The following PRIM2 variants were observed in gnomAD, a reference collection of about 807,000 sequenced individuals.
PRIM2 encodes the protein DNA primase subunit 2.
PRIM2 carries 39 observed loss-of-function variants against 67.3 expected under a neutral mutation model. The ratio of observed to expected loss-of-function variants is 0.58; its 90% CI spans 0.45 to 0.76. The LOEUF is 0.76. PRIM2 is among the 30% of genes least tolerant of loss of function. The pLI, the probability that PRIM2 is intolerant of heterozygous loss-of-function variation, is 0.00. For synonymous variants in PRIM2, 143 were observed against 198.7 expected, an observed-to-expected ratio of 0.72 and a Z score of 2.36; for missense variants, 398 against 598.7, an observed-to-expected ratio of 0.66 and a Z score of 3.50.
rs1284235020 is a variant in PRIM2, at chr6:57,470,891, C to T, written c.694-36496C>T. On this transcript the variant is annotated intron_variant, in intron 7 of 13. Coordinates refer to ENST00000615550, the MANE Select transcript of PRIM2 (RefSeq NM_000947.5). ...CCCTGCCAACTACCCTCTCTACGTA[C>T]GTATACACTTCAGAGGTTAAATAAG... Among the ~76,000 whole-genome samples, 67 of 152,218 alleles carry T rather than the reference C, an allele frequency of 4.4e-4. 1 individual carries two copies. The South Asian group carries it at 0.013, about 29-fold the overall frequency.
the PRIM2 span, among the ~76,000 whole-genome samples, chr6:57,294,782 T>C: frequency 2.0e-5 from 3 of 151,904 alleles, no homozygotes; most frequent in Admixed American, 1.3e-4. Context: ...TTTTAAGTGA[T>C]ATAATATTGC....
intron 7 of PRIM2, among the ~76,000 whole-genome samples, chr6:57,416,118 A>C (rs1162093960): frequency 1.3e-5 from 2 of 152,220 alleles, no homozygotes; most frequent in Non-Finnish European, 2.9e-5. Flanking sequence ...CGCTATCTAT[A>C]GTAGCTCTAG....
At chr6:57,645,323 A>T (rs1404618098) in intron 13 of PRIM2, among the ~76,000 whole-genome samples, 264 of 15,798 alleles carry the variant, frequency 0.017, 1 homozygote, top group African/African-American at 0.11. Flanking sequence ...AATGTCATTC[A>T]CACACACACA....
At position 57,629,237 on chromosome 6, in the gene PRIM2, C is replaced by G. The variant is rs1314500073; in HGVS notation, c.1231-2896C>G. 1.4e-3 allele frequency among the ~76,000 whole-genome samples: 210 copies of G among 152,306 alleles called. 4 individuals are homozygous for G. In the East Asian group the frequency reaches 0.019, roughly 14 times the overall value. Reference sequence around the variant, plus strand: ...CATCAGAATCACTTGGGAAGATTTTCATGTCAGCAAAGTGTGCATCTAAGA... The same window carrying G: ...CATCAGAATCACTTGGGAAGATTTTGATGTCAGCAAAGTGTGCATCTAAGA... On this transcript the variant is annotated intron_variant, in intron 12 of 13. Coordinates refer to ENST00000615550, the MANE Select transcript of PRIM2 (RefSeq NM_000947.5).
At chr6:57,604,042 C>T (rs1323710168) in intron 11 of PRIM2, among the ~76,000 whole-genome samples, 16 of 152,240 alleles carry the variant, frequency 1.1e-4, no homozygotes, top group African/African-American at 1.4e-4. Flanking sequence ...TGTGGTGGAT[C>T]ATGCCTGTAA....
At chr6:57,519,483 A>G (rs1774565823) in intron 8 of PRIM2, among the ~76,000 whole-genome samples, 1 of 152,216 alleles carries the variant, frequency 6.6e-6, no homozygotes, top group Admixed American at 6.5e-5. Context: ...GAATTCAGCG[A>G]CATTTCTTCC....
rs1309671828 is a variant in PRIM2, at chr6:57,617,568, G to A, written c.1230+11111G>A. 2.0e-5 allele frequency among the ~76,000 whole-genome samples: 3 copies of A among 152,232 alleles called. No homozygotes were observed. The East Asian group carries it at 5.8e-4, about 29-fold the overall frequency. The stretch of plus-strand genomic sequence containing the variant: ...ATTTGTACATCTTCTTTGAAGAAAT[G>A]TCTATCCAATTCCTTTGTCTATTTT... On this transcript the variant is annotated intron_variant, in intron 12 of 13. Coordinates refer to ENST00000615550, the MANE Select transcript of PRIM2 (RefSeq NM_000947.5).
At chr6:57,388,919 G>A (rs1770236162) in intron 7 of PRIM2, among the ~76,000 whole-genome samples, 1 of 151,566 alleles carries the variant, frequency 6.6e-6, no homozygotes, top group Admixed American at 6.6e-5. Context: ...GAAGAGTGTG[G>A]GATGTCAGTG....
Position 57,646,130 on chromosome 6 carries a change from T to C in PRIM2, c.1502T>C (p.Leu501Pro). Reference protein sequence around the residue: ...NSSLEMDMEGLEDYFSEDS With the variant: ...NSSLEMDMEGPEDYFSEDS Reference sequence around the variant, plus strand: ...TCTCTGGAAATGGATATGGAAGGACTAGAAGATTACTTTAGTGAAGATTCT... The same window carrying C: ...TCTCTGGAAATGGATATGGAAGGACCAGAAGATTACTTTAGTGAAGATTCT... Residue 501 changes from leucine to proline, a missense_variant, in exon 14 of 14, where the codon CTA becomes CCA. Leu to Pro is a moderately conservative substitution (Grantham distance 98). Coordinates refer to ENST00000615550, the MANE Select transcript of PRIM2 (RefSeq NM_000947.5). 2.5e-6 allele frequency: 4 copies of C among 1,579,866 alleles called. No homozygotes were observed. The South Asian group carries it at 4.4e-5, about 18-fold the overall frequency.
At chr6:57,567,733 A>T (rs1462610730) in intron 10 of PRIM2, among the ~76,000 whole-genome samples, 2 of 152,122 alleles carry the variant, frequency 1.3e-5, no homozygotes, top group Non-Finnish European at 2.9e-5. Flanking sequence ...AGATAGTATC[A>T]CTTGATTGAA....
chr6:57,240,324 C>T, the PRIM2 span, among the ~76,000 whole-genome samples: 8 of 152,140 alleles, frequency 5.3e-5, no homozygotes, highest in Non-Finnish European at 1.0e-4. Flanking sequence ...TGGTCTCAAA[C>T]TCCTGACCTC....
intron 5 of PRIM2, among the ~76,000 whole-genome samples, chr6:57,337,634 C>A (rs1768303541): frequency 6.6e-6 from 1 of 152,056 alleles, no homozygotes; most frequent in South Asian, 2.1e-4. Flanking sequence ...GAAATGAAGG[C>A]AGAAATAAAG....
chr6:57,458,262 T>C (rs1772876141), intron 7 of PRIM2, among the ~76,000 whole-genome samples: 1 of 152,168 alleles, frequency 6.6e-6, no homozygotes. Context: ...ATCATGCATG[T>C]GTACAGCTTT....
intron 7 of PRIM2, among the ~76,000 whole-genome samples, chr6:57,465,761 G>A (rs1212314338): frequency 6.6e-6 from 1 of 151,942 alleles, no homozygotes; most frequent in East Asian, 1.9e-4. Context: ...GACAGAGTCC[G>A]GCATACTTAT....
intron 12 of PRIM2, among the ~76,000 whole-genome samples, chr6:57,618,336 TG>T (rs2127496268): frequency 6.6e-6 from 1 of 152,224 alleles, no homozygotes; most frequent in East Asian, 1.9e-4. Flanking sequence ...AGAGGGATCA[TG>T]GCAGATGGGA....
chr6:57,622,577 A>G (rs1776878704), intron 12 of PRIM2, among the ~76,000 whole-genome samples: 3 of 152,246 alleles, frequency 2.0e-5, no homozygotes, highest in Admixed American at 6.5e-5. Flanking sequence ...TTCTGCACTA[A>G]TGTTTTTAAA....
intron 10 of PRIM2, among the ~76,000 whole-genome samples, chr6:57,597,829 A>G (rs2127490534): frequency 6.6e-6 from 1 of 152,196 alleles, no homozygotes; most frequent in East Asian, 1.9e-4. Flanking sequence ...TTTCCAAAAT[A>G]TGGCCTGCCC....
chr6:57,607,314 A>G (rs1377424719), intron 12 of PRIM2, among the ~76,000 whole-genome samples: 4,016 of 152,270 alleles, frequency 0.026, 71 homozygotes, highest in Non-Finnish European at 0.041. Flanking sequence ...TCAAGGTGCC[A>G]TAGAGTATGC....
chr6:57,334,466 A>G (rs1391085123), intron 5 of PRIM2, among the ~76,000 whole-genome samples: 1 of 152,082 alleles, frequency 6.6e-6, no homozygotes, highest in Non-Finnish European at 1.5e-5. Context: ...TCTATTTTTA[A>G]TTTTTTGAGG....
Sources: allele counts gnomAD v4.1 joint callset (sites outside exome capture counted in the v4.1 genomes callset), GRCh38; gene constraint gnomAD v4.1.1; transcripts MANE v1.5; gene names NCBI Gene and HGNC (gene_info 2026-07-23, HGNC 2026-07-21).